MOB3B: variants seen among roughly 807,000 people sequenced by gnomAD.
MOB3B encodes the protein MOB kinase activator 3B.
MOB3B carries 7 observed loss-of-function variants against 18.7 expected under a neutral mutation model. The observed-to-expected ratio is 0.37, with a 90% CI of 0.21 to 0.70. MOB3B has a LOEUF of 0.70. MOB3B is among the 30% of genes least tolerant of loss of function. The pLI, the probability that MOB3B is intolerant of heterozygous loss-of-function variation, is 0.52. For missense variants in MOB3B, 253 were observed against 281.3 expected (o/e 0.90, Z 0.72); for synonymous variants, 111 against 99.9 (o/e 1.11, Z -0.66).
intron 3 of MOB3B, among the ~76,000 whole-genome samples, chr9:27,350,475 A>G (rs1821088468): frequency 6.6e-6 from 1 of 152,166 alleles, no homozygotes; most frequent in Non-Finnish European, 1.5e-5. Flanking sequence ...CTCATCTCTG[A>G]CCAAATTAGA....
intron 2 of MOB3B, among the ~76,000 whole-genome samples, chr9:27,445,196 C>T (rs2131438580): frequency 6.6e-6 from 1 of 152,266 alleles, no homozygotes; most frequent in Admixed American, 6.5e-5. Flanking sequence ...ATTTTTTCAG[C>T]ATTTAATTCT....
intron 1 of MOB3B, among the ~76,000 whole-genome samples, chr9:27,459,296 T>C (rs1819242044): frequency 6.6e-6 from 1 of 152,200 alleles, no homozygotes; most frequent in Admixed American, 6.5e-5. Flanking sequence ...TCAGGGATCT[T>C]GTTAAAATGC....
At chr9:27,394,082 C>T (rs1437991333) in intron 2 of MOB3B, 1 of 152,142 alleles carries the variant, frequency 6.6e-6, no homozygotes, top group Non-Finnish European at 1.5e-5. Flanking sequence ...GCAATCACAT[C>T]TCTGTTTTAC....
At chr9:27,492,998 T>A (rs1489999769) in intron 1 of MOB3B, among the ~76,000 whole-genome samples, 1 of 152,240 alleles carries the variant, frequency 6.6e-6, no homozygotes, top group Non-Finnish European at 1.5e-5. Flanking sequence ...GATCATATAC[T>A]AAGCTACTTA....
At chr9:27,365,500 G>T (rs1360171385) in intron 2 of MOB3B, among the ~76,000 whole-genome samples, 1 of 150,518 alleles carries the variant, frequency 6.6e-6, no homozygotes, top group African/African-American at 2.4e-5. Context: ...GTTAGATTTT[G>T]ACTAGTCTTA....
chr9:27,361,335 C>G (rs1888377), intron 2 of MOB3B, among the ~76,000 whole-genome samples: 51,015 of 151,892 alleles, frequency 0.34, 9,073 homozygotes, highest in Middle Eastern at 0.41. Flanking sequence ...TTAGAGGAAC[C>G]ACTCGATTGT....
At chr9:27,425,155 C>G (rs893610993) in intron 2 of MOB3B, among the ~76,000 whole-genome samples, 1 of 152,038 alleles carries the variant, frequency 6.6e-6, no homozygotes, top group African/African-American at 2.4e-5. Flanking sequence ...GCAGGTGGAT[C>G]ACCTGAGGTC....
At chr9:27,463,144 A>AGT (rs1819319393) in intron 1 of MOB3B, among the ~76,000 whole-genome samples, 1 of 152,200 alleles carries the variant, frequency 6.6e-6, no homozygotes, top group Admixed American at 6.5e-5. Context: ...AAGTTTTACT[A>AGT]GAGAGTCAGA....
At chr9:27,517,196 T>C (rs1186480610) in intron 1 of MOB3B, among the ~76,000 whole-genome samples, 3 of 152,310 alleles carry the variant, frequency 2.0e-5, no homozygotes, top group Middle Eastern at 3.4e-3. Context: ...TAAGACTGGG[T>C]ATCACTGCCT....
At chr9:27,374,068 C>T (rs1295643691) in intron 2 of MOB3B, among the ~76,000 whole-genome samples, 1 of 152,198 alleles carries the variant, frequency 6.6e-6, no homozygotes, top group Non-Finnish European at 1.5e-5. Flanking sequence ...ACGTCACTTC[C>T]GTTTTCTGTA....
rs1554646519 is a variant in MOB3B, at chr9:27,382,716, T to TGA, written c.419-23482_419-23481dup. On this transcript the variant is annotated intron_variant, in intron 2 of 3. Transcript: ENST00000262244. Reference sequence around the variant, plus strand: ...TCTGGTGTGAAATGAGAGGTGAAGGTGATATATATATATATATATATCCAT... The same window carrying TGA: ...TCTGGTGTGAAATGAGAGGTGAAGGTGAGATATATATATATATATATATCCAT... Among the ~76,000 whole-genome samples, 9 of 20,178 alleles carry TGA rather than the reference T, an allele frequency of 4.5e-4. No homozygotes were observed. The South Asian group carries it at 0.036, about 81-fold the overall frequency. The allele number at this position is 20,178 out of a possible 152,430, so 13.2% of individuals were successfully genotyped here.
intron 2 of MOB3B, among the ~76,000 whole-genome samples, chr9:27,441,116 T>G (rs1368546974): frequency 6.6e-6 from 1 of 152,192 alleles, no homozygotes; most frequent in Admixed American, 6.5e-5. Context: ...TACTGGCCAC[T>G]CACCTCCTGC....
intron 2 of MOB3B, among the ~76,000 whole-genome samples, chr9:27,440,507 T>C (rs1822577435): frequency 6.6e-6 from 1 of 152,182 alleles, no homozygotes; most frequent in African/African-American, 2.4e-5. Flanking sequence ...ACCTGGATAT[T>C]ATAGAAAGCT....
intron 2 of MOB3B, among the ~76,000 whole-genome samples, chr9:27,429,574 C>T (rs1822387954): frequency 6.6e-6 from 1 of 152,098 alleles, no homozygotes; most frequent in African/African-American, 2.4e-5. Flanking sequence ...GACAATGGCT[C>T]ATTGTCTTAC....
chr9:27,365,029 A>G (rs1177829662), intron 2 of MOB3B, among the ~76,000 whole-genome samples: 1 of 152,160 alleles, frequency 6.6e-6, no homozygotes, highest in Non-Finnish European at 1.5e-5. Flanking sequence ...ACTGTGTTAT[A>G]CTTTGATTCC....
At chr9:27,392,792 C>G (rs756492555) in intron 2 of MOB3B, among the ~76,000 whole-genome samples, 5 of 152,188 alleles carry the variant, frequency 3.3e-5, no homozygotes, top group Non-Finnish European at 7.3e-5. Context: ...ACTTACATAA[C>G]CAATTGGTCT....
At chr9:27,384,244 T>A (rs1309411528) in intron 2 of MOB3B, among the ~76,000 whole-genome samples, 5 of 152,124 alleles carry the variant, frequency 3.3e-5, no homozygotes, top group Non-Finnish European at 1.5e-5. Flanking sequence ...GAACAAGGAC[T>A]GGGCCTAAGT....
chr9:27,339,340 C>T (rs994932560), intron 3 of MOB3B, among the ~76,000 whole-genome samples: 1 of 152,198 alleles, frequency 6.6e-6, no homozygotes, highest in African/African-American at 2.4e-5. Flanking sequence ...GGGCTGACAT[C>T]AGCCACCCCA....
chr9:27,422,833 C>T (rs991366690), intron 2 of MOB3B, among the ~76,000 whole-genome samples: 5 of 152,104 alleles, frequency 3.3e-5, no homozygotes, highest in African/African-American at 1.2e-4. Context: ...TACACATAAA[C>T]ATTTAAAAGA....
Sources: allele counts gnomAD v4.1 joint callset (sites outside exome capture counted in the v4.1 genomes callset), GRCh38; gene constraint gnomAD v4.1.1; transcripts MANE v1.5; gene names NCBI Gene and HGNC (gene_info 2026-07-23, HGNC 2026-07-21).